PACRG: variants seen among roughly 807,000 people sequenced by gnomAD.
The protein encoded by PACRG is parkin coregulated gene protein.
PACRG carries 29 observed loss-of-function variants against 29.7 expected under a neutral mutation model. That is an observed-to-expected ratio of 0.98 (90% CI 0.73 to 1.33). PACRG has a LOEUF of 1.33. PACRG is among the 40% of genes most tolerant of loss of function. PACRG has a pLI of 0.00. For synonymous variants in PACRG, 116 were observed against 118.7 expected, an observed-to-expected ratio of 0.98 and a Z score of 0.15; for missense variants, 279 against 316.2, an observed-to-expected ratio of 0.88 and a Z score of 0.89.
At chr6:163,269,788 G>A (rs549067637) in intron 4 of PACRG, among the ~76,000 whole-genome samples, 1 of 64,464 alleles carries the variant, frequency 1.6e-5, no homozygotes, top group Admixed American at 1.4e-4. Context: ...CAGACAGAAA[G>A]AAAGAAAGGA....
At chr6:162,909,665 C>T (rs1399949686) in intron 2 of PACRG, among the ~76,000 whole-genome samples, 1 of 151,964 alleles carries the variant, frequency 6.6e-6, no homozygotes, top group Non-Finnish European at 1.5e-5. Flanking sequence ...TTCTACATGT[C>T]CACAGTATCT....
rs566881228 is a variant in PACRG at position 163,155,782 on chromosome 6, C to T, written c.613+66374C>T. 2.6e-5 allele frequency among the ~76,000 whole-genome samples: 4 copies of T among 152,338 alleles called. No individual in the cohort carries two copies. In the South Asian group the frequency reaches 8.3e-4, roughly 32 times the overall value. On this transcript the variant is annotated intron_variant, in intron 4 of 4. Transcript: ENST00000366888. ...TCTCTATCCTGTCCCAACCCCACTC[C>T]GACTGCAGGTAAGATTCTAATGGCT... is the stretch of plus-strand genomic sequence containing the variant.
chr6:162,881,460 A>G (rs1205834936), intron 2 of PACRG, among the ~76,000 whole-genome samples: 2 of 152,224 alleles, frequency 1.3e-5, no homozygotes, highest in Non-Finnish European at 2.9e-5. Flanking sequence ...CAGCAACTAC[A>G]TGTGAATAAG....
At chr6:163,269,931 C>CAAAGAA (rs1783724237) in intron 4 of PACRG, among the ~76,000 whole-genome samples, 1 of 28,656 alleles carries the variant, frequency 3.5e-5, no homozygotes, top group South Asian at 1.6e-3. Flanking sequence ...AGAAAGAAAA[C>CAAAGAA]AAAGAAAGAA....
intron 2 of PACRG, among the ~76,000 whole-genome samples, chr6:162,883,710 G>T (rs1794092513): frequency 6.7e-6 from 1 of 148,750 alleles, no homozygotes; most frequent in East Asian, 1.9e-4. Context: ...GTGTGTGTGT[G>T]TGTGTATGTA....
chr6:163,099,297 G>A (rs530185573), intron 4 of PACRG, among the ~76,000 whole-genome samples: 6 of 152,116 alleles, frequency 3.9e-5, no homozygotes, highest in Non-Finnish European at 8.8e-5. Flanking sequence ...CAGAGATTGC[G>A]ACCAATTCAG....
intron 1 of PACRG, among the ~76,000 whole-genome samples, chr6:162,788,115 G>A (rs902986661): frequency 2.6e-5 from 4 of 151,976 alleles, no homozygotes; most frequent in East Asian, 1.9e-4. Context: ...CCACCATTAC[G>A]TATCATACAG....
intron 2 of PACRG, among the ~76,000 whole-genome samples, chr6:162,901,984 C>A (rs150764479): frequency 6.6e-6 from 1 of 152,166 alleles, no homozygotes; most frequent in Non-Finnish European, 1.5e-5. Flanking sequence ...AATGCCCAGG[C>A]GTATTGCCTG....
intron 4 of PACRG, among the ~76,000 whole-genome samples, chr6:163,290,108 C>T (rs1037629493): frequency 2.6e-5 from 4 of 152,110 alleles, no homozygotes; most frequent in Non-Finnish European, 5.9e-5. Flanking sequence ...GATCTGCCCA[C>T]TTCGGCCTCC....
chr6:162,947,907 A>C (rs945852685), intron 2 of PACRG, among the ~76,000 whole-genome samples: 4 of 151,790 alleles, frequency 2.6e-5, no homozygotes, highest in Non-Finnish European at 5.9e-5. Flanking sequence ...TAAAGAGGAC[A>C]CAAACAAAGG....
In PACRG at chr6:163,166,267, TCAA is replaced by T. The variant is rs974687320; in HGVS notation, c.613+76872_613+76874del. ...GTTTTGTTTGTTCCATTTGCCCTGC[TCAA>T]CAACAACAACAAAAAAATGTAGATT... is the stretch of plus-strand genomic sequence containing the variant. On this transcript the variant is annotated intron_variant, in intron 4 of 4. Coordinates refer to ENST00000366888, the MANE Select transcript of PACRG (RefSeq NM_001080379.2). 34 of 427,470 alleles carry T rather than the reference TCAA, an allele frequency of 8.0e-5. No homozygotes were observed. In the Middle Eastern group the frequency reaches 1.0e-3, roughly 13 times the overall value. 26.5% of individuals were successfully genotyped at this position (427,470 alleles called of 1,614,324 possible). A position where few individuals can be genotyped will look rare whatever the true frequency, so the allele number is the denominator to read the frequency against.
chr6:163,115,276 A>T (rs1277681869), intron 4 of PACRG, among the ~76,000 whole-genome samples: 2 of 152,076 alleles, frequency 1.3e-5, no homozygotes, highest in African/African-American at 4.8e-5. Context: ...AGTAGAGGGG[A>T]TGACTCGCTT....
intron 2 of PACRG, among the ~76,000 whole-genome samples, chr6:163,011,756 T>C (rs1805638481): frequency 6.6e-6 from 1 of 152,226 alleles, no homozygotes; most frequent in Non-Finnish European, 1.5e-5. Context: ...AAAATATTTT[T>C]TCTTTACATC....
chr6:163,089,224 A>T, intron 3 of PACRG, 35 bp from the exon 4 acceptor site: 1 of 1,596,746 alleles, frequency 6.3e-7, no homozygotes, highest in African/African-American at 1.3e-5. Flanking sequence ...TTTCTATTAA[A>T]ATATTTTCTG....
chr6:162,981,356 T>C (rs937446971), intron 2 of PACRG, among the ~76,000 whole-genome samples: 1 of 150,778 alleles, frequency 6.6e-6, no homozygotes, highest in African/African-American at 2.4e-5. Context: ...CAACCAATGA[T>C]TGGATAAAGA....
At chr6:163,252,831 C>T (rs1782962234) in intron 4 of PACRG, among the ~76,000 whole-genome samples, 1 of 152,184 alleles carries the variant, frequency 6.6e-6, no homozygotes, top group South Asian at 2.1e-4. Context: ...CAGTCGCTTA[C>T]AACTTCAGGC....
chr6:163,153,467 A>G (rs1424846158), intron 4 of PACRG, among the ~76,000 whole-genome samples: 1 of 152,232 alleles, frequency 6.6e-6, no homozygotes, highest in Non-Finnish European at 1.5e-5. Flanking sequence ...TCAACAGGCA[A>G]TATTAGGTAA....
At chr6:162,875,834 C>T (rs1329923443) in intron 2 of PACRG, among the ~76,000 whole-genome samples, 2 of 152,166 alleles carry the variant, frequency 1.3e-5, no homozygotes, top group Non-Finnish European at 2.9e-5. Flanking sequence ...AGGTCTTCTT[C>T]CTCCAGTATG....
chr6:162,864,893 A>G (rs1792163955), intron 2 of PACRG, among the ~76,000 whole-genome samples: 3 of 152,206 alleles, frequency 2.0e-5, no homozygotes, highest in Non-Finnish European at 2.9e-5. Flanking sequence ...ACTGACCTAT[A>G]AAGTATGTGC....
Sources: allele counts gnomAD v4.1 joint callset (sites outside exome capture counted in the v4.1 genomes callset), GRCh38; gene constraint gnomAD v4.1.1; transcripts MANE v1.5; gene names NCBI Gene and HGNC (gene_info 2026-07-23, HGNC 2026-07-21).